NUP205: variants seen among roughly 807,000 people sequenced by gnomAD.
The protein encoded by NUP205 is nuclear pore complex protein Nup205.
Under a neutral mutation model 253.8 loss-of-function variants are expected in NUP205, and 76 were observed. The ratio of observed to expected loss-of-function variants is 0.30; its 90% CI spans 0.25 to 0.36. The LOEUF (loss-of-function observed/expected upper bound fraction) is 0.36, where lower values mean the gene tolerates loss of function less well. Among genes scored for constraint, NUP205 ranks in the 10% least tolerant of loss-of-function variants. The probability of loss-of-function intolerance (pLI) is 1.00; values close to 1 mark genes in which losing one functional copy is unlikely to be tolerated. For synonymous variants in NUP205, 832 were observed against 850.1 expected (o/e 0.98, Z 0.37); for missense variants, 2,162 against 2,425.5 (o/e 0.89, Z 2.28).
intron 1 of NUP205, among the ~76,000 whole-genome samples, chr7:135,558,850 T>C (rs546604451): frequency 1.3e-5 from 2 of 152,196 alleles, no homozygotes; most frequent in African/African-American, 2.4e-5. Flanking sequence ...ATCTGTGTGG[T>C]AAATGCTTGT....
intron 38 of NUP205, 140 bp from the exon 39 acceptor site, chr7:135,643,052 A>G (rs1254986646): frequency 7.3e-6 from 5 of 682,300 alleles, no homozygotes; most frequent in South Asian, 4.5e-5. Context: ...AATGGCATTT[A>G]AAAGTAATCT....
At chr7:135,567,277 T>A in intron 1 of NUP205, among the ~76,000 whole-genome samples, 1 of 145,686 alleles carries the variant, frequency 6.9e-6, no homozygotes, top group Non-Finnish European at 1.5e-5. Context: ...CCTGCACATC[T>A]CCCTTTAAAA....
chr7:135,617,306 C>T, intron 26 of NUP205, 59 bp downstream of exon 26: 5 of 1,477,746 alleles, frequency 3.4e-6, no homozygotes, highest in Non-Finnish European at 4.6e-6. Flanking sequence ...TTTAAGTCAT[C>T]AGAAACAAAT....
chr7:135,564,124 G>T lies in NUP205; in HGVS notation c.28+6152G>T, dbSNP rs764165088. ...GACGAGGTTTCACTCTGTTGCCCACGCTGGAGTGCAGTGGCTCAGTCATGG... is the reference window on the plus strand; with the variant it reads ...GACGAGGTTTCACTCTGTTGCCCACTCTGGAGTGCAGTGGCTCAGTCATGG... On this transcript the variant is annotated intron_variant, in intron 1 of 42. Transcript: ENST00000285968. Among the ~76,000 whole-genome samples the T allele has an allele frequency of 2.6e-5, 4 of 151,430 alleles. No individual in the cohort carries two copies. In the East Asian group the frequency reaches 7.7e-4, roughly 29 times the overall value.
intron 38 of NUP205, among the ~76,000 whole-genome samples, chr7:135,641,678 G>A (rs111653763): frequency 0.15 from 18,330 of 121,290 alleles, 1,279 homozygotes; most frequent in East Asian, 0.19. Context: ...AGGCTGAGGT[G>A]GGAGGATCAC....
intron 3 of NUP205, among the ~76,000 whole-genome samples, 170 bp from the exon 4 acceptor site, chr7:135,576,100 T>C (rs1584643273): frequency 6.6e-6 from 1 of 152,246 alleles, no homozygotes; most frequent in Non-Finnish European, 1.5e-5. Context: ...CTCGAATATG[T>C]TGAGCAAGAA....
chr7:135,611,677 A>AAAAAACAAAAATTAGCCAGGC (rs1794242671), intron 22 of NUP205, among the ~76,000 whole-genome samples: 1 of 152,234 alleles, frequency 6.6e-6, no homozygotes, highest in South Asian at 2.1e-4. Context: ...GTAGCGAACA[A>AAAAAACAAAAATTAGCCAGGC]AAAAACAAAA....
intron 15 of NUP205, among the ~76,000 whole-genome samples, chr7:135,598,443 T>A (rs573807032): frequency 3.9e-5 from 6 of 152,360 alleles, no homozygotes; most frequent in African/African-American, 1.4e-4. Flanking sequence ...GAGTTCATAT[T>A]TCATATCCTT....
chr7:135,638,568 T>G lies in NUP205; in HGVS notation c.5277T>G (p.Asn1759Lys). ...IELAMQQICANVMEYCQSLML... is the reference protein window; with the variant it reads ...IELAMQQICAKVMEYCQSLML... ...TTTTTTGATTATAGATTTGTGCCAA[T>G]GTAATGGAATATTGCCAGTCACTCA... The change falls in exon 38 of 43, where the codon AAT (asparagine) becomes AAG (lysine). Residue 1759 changes from asparagine (N) to lysine (K), a missense_variant. By Grantham distance (94) the Asn-to-Lys change is moderately conservative. Around this residue, in one of 5 missense-constraint regions of NUP205, gnomAD observed 1,144 missense variants for 1,280.9 expected, o/e 0.89. Transcript: ENST00000285968. 1.2e-6 allele frequency: 2 copies of G among 1,613,948 alleles called. No individual in the cohort carries two copies. Among genetic ancestry groups the G allele is most frequent in the Non-Finnish European group, 1.7e-6 (2 of 1,179,884 alleles).
rs1795058679 is a variant in NUP205, at chr7:135,648,538, G to A, written c.6021G>A (p.Leu2007=). The change falls in exon 43 of 43, where the codon TTG becomes TTA. Residue 2007 remains leucine (L), a synonymous_variant. Transcript: ENST00000285968. ...QALVRRIRGL[L]RISRN is the part of the protein sequence containing the mutation. ...TTGTCAGACGTATCCGTGGCCTCTTGAGGATATCAAGGAACTGAGAGCCCG... is the reference window on the plus strand; with the variant it reads ...TTGTCAGACGTATCCGTGGCCTCTTAAGGATATCAAGGAACTGAGAGCCCG... 3.8e-6 allele frequency: 6 copies of A among 1,575,544 alleles called. No homozygotes were observed. The highest frequency in any genetic ancestry group is 3.4e-6 in the Non-Finnish European group (4 of 1,165,586).
intron 26 of NUP205, 126 bp downstream of exon 26, chr7:135,617,373 G>T: frequency 1.0e-6 from 1 of 978,816 alleles, no homozygotes; most frequent in Non-Finnish European, 1.5e-6. Context: ...TTATAGGAAG[G>T]ACTGTGATTT....
chr7:135,569,183 G>T (rs1017677308), intron 1 of NUP205, among the ~76,000 whole-genome samples: 4 of 152,166 alleles, frequency 2.6e-5, no homozygotes, highest in African/African-American at 9.7e-5. Context: ...CAATTCTCCT[G>T]CCTCAGACTC....
At chr7:135,567,635 A>G (rs1022562416) in intron 1 of NUP205, among the ~76,000 whole-genome samples, 1 of 151,632 alleles carries the variant, frequency 6.6e-6, no homozygotes, top group Non-Finnish European at 1.5e-5. Flanking sequence ...TTTAAATTAC[A>G]TTGCGTCATC....
intron 38 of NUP205, 144 bp downstream of exon 38, chr7:135,638,827 C>G (rs777228603): frequency 3.5e-6 from 3 of 846,394 alleles, no homozygotes; most frequent in Non-Finnish European, 5.7e-6. Flanking sequence ...TAAAGTTGAG[C>G]GGGAGGTATT....
chr7:135,558,140 C>A, intron 1 of NUP205, 168 bp downstream of exon 1: 1 of 663,508 alleles, frequency 1.5e-6, no homozygotes, highest in Non-Finnish European at 2.8e-6. Context: ...GAATGGCGCG[C>A]GTCGGTGCTG....
intron 22 of NUP205, among the ~76,000 whole-genome samples, chr7:135,612,787 CTG>C (rs745739659): frequency 6.6e-6 from 1 of 152,132 alleles, no homozygotes; most frequent in Non-Finnish European, 1.5e-5. Flanking sequence ...TGAGGATTGA[CTG>C]TGTTGGGTCA....
chr7:135,620,979 T>C (rs537026572), intron 30 of NUP205, among the ~76,000 whole-genome samples: 14 of 152,388 alleles, frequency 9.2e-5, no homozygotes, highest in South Asian at 6.2e-4. Context: ...TTATATACTT[T>C]ATAGACATTT....
At chr7:135,572,626 A>T (rs895827333) in intron 2 of NUP205, among the ~76,000 whole-genome samples, 1 of 152,148 alleles carries the variant, frequency 6.6e-6, no homozygotes, top group Non-Finnish European at 1.5e-5. Context: ...CAGCGGTGCG[A>T]TCTTGGCTCA....
In NUP205 at chr7:135,577,988, A is replaced by G. The variant is rs1269074822; in HGVS notation, c.841A>G (p.Ile281Val). ...LLMALLYCFD[I>V]SFIEQSTEER... ...TATGGCGCTTCTATACTGTTTTGAT[A>G]TCAGTTTTATAGAGCAAAGCACAGA... The change falls in exon 6 of 43, where the codon ATC (isoleucine) becomes GTC (valine). Residue 281 changes from isoleucine to valine, a missense_variant. Transcript: ENST00000285968. 1.2e-6 allele frequency: 2 copies of G among 1,613,804 alleles called. No homozygotes were observed. The highest frequency in any genetic ancestry group is 1.7e-5 in the Admixed American group (1 of 59,988).
Sources: gnomAD v4.1 joint callset for allele counts (sites outside exome capture counted in the v4.1 genomes callset) on GRCh38, gnomAD v4.1.1 for gene constraint, gnomAD v4.1.1 regional missense constraint, MANE v1.5 for transcripts, NCBI Gene and HGNC (gene_info 2026-07-23, HGNC 2026-07-21) for gene names.